Variants in PIWIL4 observed in about 807,000 individuals in gnomAD.
PIWIL4 encodes the protein piwi-like protein 4.
PIWIL4 carries 50 observed loss-of-function variants against 100.9 expected under a neutral mutation model. The observed-to-expected ratio is 0.50, with a 90% CI of 0.39 to 0.63. The LOEUF (loss-of-function observed/expected upper bound fraction) is 0.63. Ranked by LOEUF, PIWIL4 falls within the 20% of genes least tolerant of loss-of-function variation. The probability of loss-of-function intolerance (pLI) is 0.00; values close to 1 mark genes in which losing one functional copy is unlikely to be tolerated. For missense variants in PIWIL4, 887 were observed against 1,043.3 expected, an observed-to-expected ratio of 0.85 and a Z score of 2.06; for synonymous variants, 342 against 367.5, an observed-to-expected ratio of 0.93 and a Z score of 0.79.
chr11:94,616,684 G>C (rs779011038), intron 16 of PIWIL4, 121 bp downstream of exon 16: 1 of 703,892 alleles, frequency 1.4e-6, no homozygotes, highest in Non-Finnish European at 2.3e-6. Flanking sequence ...TTTGTCAACT[G>C]TCACCCAGTT....
chr11:94,577,370 A>C lies in PIWIL4; in HGVS notation c.391A>C (p.Ile131Leu), dbSNP rs375398129. 2.5e-6 allele frequency: 4 copies of C among 1,613,820 alleles called. No individual in the cohort carries two copies. The highest frequency in any genetic ancestry group is 3.4e-6 in the Non-Finnish European group (4 of 1,179,810). Residue 131 changes from isoleucine to leucine, a missense_variant, in exon 4 of 20, where the codon ATT (isoleucine) becomes CTT (leucine). By Grantham distance (5) the Ile-to-Leu change is conservative. This residue lies in a region of PIWIL4 where 741 missense variants were observed against 930.0 expected (regional missense o/e 0.80). Transcript: ENST00000299001. Reference protein sequence around the residue: ...WQLYQYHVTYIPDLASRRLRI... With the variant: ...WQLYQYHVTYLPDLASRRLRI... ...GCTATACCAGTACCATGTGACATAT[A>C]TTCCAGATTTAGCATCTAGAAGGCT...
chr11:94,592,540 T>G lies in PIWIL4; in HGVS notation c.1027-978T>G, dbSNP rs547460752. Reference sequence around the variant, plus strand: ...TTTTAGCCATAGCATCAGTTGCACCTGCTACTTTCAAATGAGATTCTTGAC... The same window carrying G: ...TTTTAGCCATAGCATCAGTTGCACCGGCTACTTTCAAATGAGATTCTTGAC... On this transcript the variant is annotated intron_variant, in intron 8 of 19. Transcript: ENST00000299001. Among the ~76,000 whole-genome samples, 8 of 152,360 alleles carry G rather than the reference T, an allele frequency of 5.3e-5. No homozygotes were observed. In the South Asian group the frequency reaches 1.7e-3, roughly 32 times the overall value.
chr11:94,596,677 G>A (rs1408413715), intron 10 of PIWIL4, among the ~76,000 whole-genome samples: 1 of 152,064 alleles, frequency 6.6e-6, no homozygotes, highest in Admixed American at 6.6e-5. Flanking sequence ...TTCCTGGTTC[G>A]TTTCCCTTAT....
Position 94,596,641 on chromosome 11 carries a change from C to T in PIWIL4, c.1269-1163C>T, listed in dbSNP as rs113778972. ...TACGTCATTTACCCTGGACGTCCCTCAGACTTATGCCGAATTGAGAAGGAA... is the reference window on the plus strand; with the variant it reads ...TACGTCATTTACCCTGGACGTCCCTTAGACTTATGCCGAATTGAGAAGGAA... On this transcript the variant is annotated intron_variant, in intron 10 of 19. Transcript: ENST00000299001. Among the ~76,000 whole-genome samples, 848 of 152,264 alleles carry T rather than the reference C, an allele frequency of 5.6e-3. 16 individuals carry two copies. Among genetic ancestry groups the T allele is most frequent in the African/African-American group, 0.019 (805 of 41,532 alleles).
At chr11:94,618,515 T>C (rs1325334774) in intron 17 of PIWIL4, among the ~76,000 whole-genome samples, 1 of 152,180 alleles carries the variant, frequency 6.6e-6, no homozygotes, top group East Asian at 1.9e-4. Context: ...TTGCAGGCAC[T>C]GATGTGCACT....
intron 4 of PIWIL4, among the ~76,000 whole-genome samples, chr11:94,582,127 G>C (rs953658611): frequency 2.0e-5 from 3 of 152,038 alleles, no homozygotes; most frequent in South Asian, 4.1e-4. Flanking sequence ...TACAAGGCGG[G>C]GCTGAAGAGT....
intron 5 of PIWIL4, among the ~76,000 whole-genome samples, chr11:94,585,066 A>G (rs1948379902): frequency 6.6e-6 from 1 of 152,144 alleles, no homozygotes; most frequent in Non-Finnish European, 1.5e-5. Flanking sequence ...ACTCCATTTC[A>G]AAAAAAGAAA....
In PIWIL4 at chr11:94,607,555, G is replaced by C; in HGVS notation, c.1755G>C (p.Gln585His). 6.2e-7 allele frequency: 1 copy of C among 1,614,102 alleles called. No homozygotes were observed. The highest frequency in any genetic ancestry group is 1.1e-5 in the South Asian group (1 of 91,080). The change falls in exon 14 of 20, where the codon CAG becomes CAC. Residue 585 changes from glutamine to histidine, a missense_variant. Transcript: ENST00000299001. The part of the protein sequence containing the change: ...QCVLARTLNK[Q>H]GMMMSIATKI... ...TGCTTGCTCGGACCTTGAATAAACA[G>C]GGCATGATGATGAGTATCGCCACCA...
At chr11:94,573,951 T>C (rs1948198601) in intron 2 of PIWIL4, among the ~76,000 whole-genome samples, 1 of 152,164 alleles carries the variant, frequency 6.6e-6, no homozygotes, top group South Asian at 2.1e-4. Flanking sequence ...ACTGCCATAC[T>C]ATGGTAGCTT....
At chr11:94,601,329 C>G (rs186656547) in intron 11 of PIWIL4, among the ~76,000 whole-genome samples, 1 of 150,930 alleles carries the variant, frequency 6.6e-6, no homozygotes, top group East Asian at 2.0e-4. Flanking sequence ...TGACTTCTTG[C>G]AACACTTAAC....
At position 94,586,644 on chromosome 11, in the gene PIWIL4, T is replaced by A. The variant is rs35465695; in HGVS notation, c.717-406T>A. On this transcript the variant is annotated intron_variant, in intron 6 of 19. Transcript: ENST00000299001. Reference sequence around the variant, plus strand: ...AGTTACGGTTTTCAGGCAGGGACATTTCCCCCCCCTCTTCAGGGAACATTT... The same window carrying A: ...AGTTACGGTTTTCAGGCAGGGACATATCCCCCCCCTCTTCAGGGAACATTT... Among the ~76,000 whole-genome samples, 373 of 152,228 alleles carry A rather than the reference T, an allele frequency of 2.5e-3. 1 individual carries two copies. Among genetic ancestry groups the A allele is most frequent in the Non-Finnish European group, 4.2e-3 (286 of 68,022 alleles).
chr11:94,621,066 A>G lies in PIWIL4; in HGVS notation c.*74A>G. Reference sequence around the variant, plus strand: ...GTATACTTTGTGCAAATCTGCCATAAGCTCAAGGCTGTGACTGGGGAAAAA... The same window carrying G: ...GTATACTTTGTGCAAATCTGCCATAGGCTCAAGGCTGTGACTGGGGAAAAA... On this transcript the variant is annotated 3_prime_UTR_variant, in exon 20 of 20. Transcript: ENST00000299001. 9.5e-7 allele frequency: 1 copy of G among 1,054,090 alleles called. No homozygotes were observed. The highest frequency in any genetic ancestry group is 1.4e-6 in the Non-Finnish European group (1 of 696,104). 65.3% of individuals were successfully genotyped at this position (1,054,090 alleles called of 1,614,324 possible).
At chr11:94,602,061 G>A in intron 12 of PIWIL4, 82 bp downstream of exon 12, 2 of 1,318,602 alleles carry the variant, frequency 1.5e-6, no homozygotes, top group Non-Finnish European at 2.1e-6. Context: ...ATCAACAAAA[G>A]CTTCTTTATC....
Position 94,595,389 on chromosome 11 carries a change from C to T in PIWIL4, c.1231C>T (p.Gln411Ter). ...EKTRLSPSGR[Q>*]QRLARLVDNI... ...GACACGTCTCAGTCCTTCAGGCCGG[C>T]AGCAGCGCCTGGCCAGGCTTGTGGA... Residue 411 changes from glutamine (Q) to a stop codon, truncating the protein, a stop_gained, in exon 10 of 20, where the codon CAG (glutamine) becomes TAG (stop). Transcript: ENST00000299001. LOFTEE classifies it high-confidence loss of function. 6.2e-7 allele frequency: 1 copy of T among 1,613,874 alleles called. No individual in the cohort carries two copies. The highest frequency in any genetic ancestry group is 1.7e-5 in the Admixed American group (1 of 60,030).
intron 2 of PIWIL4, among the ~76,000 whole-genome samples, chr11:94,570,757 C>G (rs570880161): frequency 6.6e-6 from 1 of 152,108 alleles, no homozygotes; most frequent in Middle Eastern, 3.4e-3. Flanking sequence ...CCAGGCATGG[C>G]GGTGCACACC....
chr11:94,620,314 G>C (rs1044205088), intron 19 of PIWIL4, among the ~76,000 whole-genome samples, 170 bp downstream of exon 19: 20 of 152,232 alleles, frequency 1.3e-4, no homozygotes, highest in African/African-American at 4.8e-4. Flanking sequence ...TGAGTCCACA[G>C]TGGGAGGAAA....
At chr11:94,600,484 A>G (rs1412391286) in intron 11 of PIWIL4, among the ~76,000 whole-genome samples, 2 of 152,182 alleles carry the variant, frequency 1.3e-5, no homozygotes, top group African/African-American at 4.8e-5. Context: ...GTGTACGAAT[A>G]GGGTGTCGGT....
chr11:94,611,566 C>A (rs1256548917), intron 15 of PIWIL4, among the ~76,000 whole-genome samples: 1 of 152,120 alleles, frequency 6.6e-6, no homozygotes, highest in Admixed American at 6.6e-5. Context: ...TATAGTTTGT[C>A]CCCTCCAAAA....
In PIWIL4 at chr11:94,567,471, T is replaced by G; in HGVS notation, c.-48T>G. On this transcript the variant is annotated 5_prime_UTR_variant, in exon 1 of 20. Coordinates refer to ENST00000299001, the MANE Select transcript of PIWIL4 (RefSeq NM_152431.3). ...TCTGTAGCCAAAGCAAAACATATCCTAACTGAGACTTTGCAGCTCTTGTGG... is the reference window on the plus strand; with the variant it reads ...TCTGTAGCCAAAGCAAAACATATCCGAACTGAGACTTTGCAGCTCTTGTGG... 2 of 1,464,542 alleles carry G rather than the reference T, an allele frequency of 1.4e-6. No homozygotes were observed. The highest frequency in any genetic ancestry group is 1.3e-5 in the South Asian group (1 of 76,380). The allele number at this position is 1,464,542 out of a possible 1,614,324, so 90.7% of individuals were successfully genotyped here.
Sources: allele counts gnomAD v4.1 joint callset (sites outside exome capture counted in the v4.1 genomes callset), GRCh38; gene constraint gnomAD v4.1.1; regional missense constraint gnomAD v4.1.1; transcripts MANE v1.5; gene names NCBI Gene and HGNC (gene_info 2026-07-23, HGNC 2026-07-21).